HIC1: variants seen among roughly 807,000 people sequenced by gnomAD.
HIC1 encodes hypermethylated in cancer 1 protein.
Under a neutral mutation model 26.4 loss-of-function variants are expected in HIC1, and 9 were observed. The ratio of observed to expected loss-of-function variants is 0.34; its 90% confidence interval spans 0.21 to 0.59. The LOEUF (loss-of-function observed/expected upper bound fraction) is 0.59, where lower values mean the gene tolerates loss of function less well. HIC1 is among the 20% of genes least tolerant of loss of function. The probability of loss-of-function intolerance (pLI) is 0.82; values close to 1 mark genes in which losing one functional copy is unlikely to be tolerated. For synonymous variants in HIC1, 631 were observed against 523.1 expected, an observed-to-expected ratio of 1.21 and a Z score of -2.81; for missense variants, 965 against 1,075.7, an observed-to-expected ratio of 0.90 and a Z score of 1.44.
At position 2,063,001 on chromosome 17, in the gene HIC1, G is replaced by T. The variant is rs1311701795; in HGVS notation, c.*4166G>T. The T allele has an allele frequency of 6.6e-6, 1 of 152,644 alleles. No homozygotes were observed. The highest frequency in any genetic ancestry group is 1.5e-5 in the Non-Finnish European group (1 of 68,358). 9.5% of individuals were successfully genotyped at this position (152,644 alleles called of 1,614,324 possible). ...TGAGGGGATACTCAGAGACTACTCA[G>T]CTGCCTGGGCCAGGCCCCTCTGCAG... On this transcript the variant is annotated 3_prime_UTR_variant, in exon 2 of 2. Coordinates refer to ENST00000619757, the MANE Select transcript of HIC1 (RefSeq NM_006497.4).
At position 2,057,636 on chromosome 17, in the gene HIC1, G is replaced by A. The variant is rs1279156170; in HGVS notation, c.946G>A (p.Glu316Lys). The change falls in exon 2 of 2, where the codon GAG (glutamate) becomes AAG (lysine). Residue 316 changes from glutamate (E) to lysine (K), a missense_variant. Glu to Lys is a moderately conservative substitution (Grantham distance 56). Coordinates refer to ENST00000619757, the MANE Select transcript of HIC1 (RefSeq NM_006497.4). ...PSLLYRWMKH[E>K]PGLGSYGDEL... ...TCTCCTCTATCGCTGGATGAAGCAC[G>A]AGCCGGGCCTGGGTAGCTATGGCGA... is the stretch of plus-strand genomic sequence containing the variant. The A allele has an allele frequency of 1.3e-6, 2 of 1,516,286 alleles. No individual in the cohort carries two copies. Among genetic ancestry groups the A allele is most frequent in the South Asian group, 1.2e-5 (1 of 81,954 alleles). 93.9% of individuals were successfully genotyped at this position (1,516,286 alleles called of 1,614,324 possible).
In HIC1 at chr17:2,059,099, G is replaced by A; in HGVS notation, c.*264G>A. ...CAGCTTTGACCAAAGGAGACCCCAG[G>A]CCCCTCCCGCCTCTTCCTGTGGTTC... On this transcript the variant is annotated 3_prime_UTR_variant, in exon 2 of 2. Coordinates refer to ENST00000619757, the MANE Select transcript of HIC1 (RefSeq NM_006497.4). The A allele has an allele frequency of 2.5e-6, 1 of 399,472 alleles. No homozygotes were observed. Among genetic ancestry groups the A allele is most frequent in the Non-Finnish European group, 4.6e-6 (1 of 217,560 alleles). 24.7% of individuals were successfully genotyped at this position (399,472 alleles called of 1,614,324 possible). A position where few individuals can be genotyped will look rare whatever the true frequency, so the allele number is the denominator to read the frequency against.
Position 2,061,419 on chromosome 17 carries a change from T to C in HIC1, c.*2584T>C. The C allele has an allele frequency of 6.9e-7, 1 of 1,453,484 alleles. No homozygotes were observed. Among genetic ancestry groups the C allele is most frequent in the Non-Finnish European group, 9.2e-7 (1 of 1,081,444 alleles). 90.0% of individuals were successfully genotyped at this position (1,453,484 alleles called of 1,614,324 possible). A position where few individuals can be genotyped will look rare whatever the true frequency, so the allele number is the denominator to read the frequency against. On this transcript the variant is annotated 3_prime_UTR_variant, in exon 2 of 2. Transcript: ENST00000619757. ...TTGGTGGCTCAGGCACGTGGGCATC[T>C]TCCGTGCTACACTGGGCGCCTGGTG...
chr17:2,057,330 G>T lies in HIC1; in HGVS notation c.640G>T (p.Glu214Ter). ...CCCGGCCGCCGCACTCTGTGCCTCGGAGCGCCGCTGCTCCCCTCTTTGTGG... is the reference window on the plus strand; with the variant it reads ...CCCGGCCGCCGCACTCTGTGCCTCGTAGCGCCGCTGCTCCCCTCTTTGTGG... The part of the protein sequence containing the change: ...PGPAAALCAS[E>*]RRCSPLCGLD... Residue 214 changes from glutamate (E) to a stop codon, truncating the protein, a stop_gained, in exon 2 of 2, where the codon GAG becomes TAG. Transcript: ENST00000619757. LOFTEE classifies it low-confidence loss of function (END_TRUNC). The T allele has an allele frequency of 6.7e-7, 1 of 1,500,732 alleles. No homozygotes were observed. Among genetic ancestry groups the T allele is most frequent in the East Asian group, 2.8e-5 (1 of 35,502 alleles). The allele number at this position is 1,500,732 out of a possible 1,614,324, so 93.0% of individuals were successfully genotyped here. A position where few individuals can be genotyped will look rare whatever the true frequency, so the allele number is the denominator to read the frequency against.
rs370020453 is a variant in HIC1, at chr17:2,058,101, G to A, written c.1411G>A (p.Gly471Arg). 57 of 1,593,852 alleles carry A rather than the reference G, an allele frequency of 3.6e-5. No homozygotes were observed. Among genetic ancestry groups the A allele is most frequent in the Non-Finnish European group, 4.3e-5 (51 of 1,173,558 alleles). The part of the protein sequence containing the change: ...AGLGPPFGGG[G>R]DKVAGAPGGL... ...CCTAGGGCCCCCTTTTGGAGGCGGC[G>A]GGGACAAGGTCGCCGGGGCTCCGGG... Residue 471 changes from glycine to arginine, a missense_variant, in exon 2 of 2, where the codon GGG (glycine) becomes AGG (arginine). Around this residue, in one of 6 missense-constraint regions of HIC1, gnomAD observed 105 missense variants for 101.4 expected, o/e 1.04. Transcript: ENST00000619757.
Position 2,055,659 on chromosome 17 carries a change from G to C in HIC1, c.-21+421G>C, listed in dbSNP as rs1201594470. On this transcript the variant is annotated intron_variant, in intron 1 of 1. Transcript: ENST00000619757. This position sits in a 1 kb window ranked among gnomAD's most constrained non-coding sequence, Gnocchi z 6.4. ...GCCGCGGGGCCCCGCGGGCCAGGAG[G>C]GGAACGGGGTCGGGCGGGCGAGCAG... Among the ~76,000 whole-genome samples, 1 of 151,108 alleles carries C rather than the reference G, an allele frequency of 6.6e-6. No individual in the cohort carries two copies. Among genetic ancestry groups the C allele is most frequent in the Non-Finnish European group, 1.5e-5 (1 of 67,564 alleles).
At position 2,055,478 on chromosome 17, in the gene HIC1, C is replaced by CGAGGG. The variant is rs1202631867; in HGVS notation, c.-21+243_-21+247dup. Among the ~76,000 whole-genome samples, 1 of 150,842 alleles carries CGAGGG rather than the reference C, an allele frequency of 6.6e-6. No homozygotes were observed. Among genetic ancestry groups the CGAGGG allele is most frequent in the Non-Finnish European group, 1.5e-5 (1 of 67,648 alleles). On this transcript the variant is annotated intron_variant, in intron 1 of 1. Coordinates refer to ENST00000619757, the MANE Select transcript of HIC1 (RefSeq NM_006497.4). This position sits in a 1 kb window ranked among gnomAD's most constrained non-coding sequence, Gnocchi z 6.4. ...TCTGCCCGCACATGGGCTGGAGAGG[C>CGAGGG]GAGGGGAAGGGAAGGGAAGGGGAGC...
At position 2,058,750 on chromosome 17, in the gene HIC1, A is replaced by G; in HGVS notation, c.2060A>G (p.Asp687Gly). 6.5e-7 allele frequency: 1 copy of G among 1,526,896 alleles called. No homozygotes were observed. The highest frequency in any genetic ancestry group is 8.8e-7 in the Non-Finnish European group (1 of 1,141,320). The allele number at this position is 1,526,896 out of a possible 1,614,324, so 94.6% of individuals were successfully genotyped here. A position where few individuals can be genotyped will look rare whatever the true frequency, so the allele number is the denominator to read the frequency against. ...KFTAELGLSP[D>G]KAAEVLSQGA... Reference sequence around the variant, plus strand: ...ACGGCCGAGCTGGGCCTCAGCCCCGACAAGGCGGCCGAGGTGCTGAGCCAG... The same window carrying G: ...ACGGCCGAGCTGGGCCTCAGCCCCGGCAAGGCGGCCGAGGTGCTGAGCCAG... Residue 687 changes from aspartate (D) to glycine (G), a missense_variant, in exon 2 of 2, where the codon GAC (aspartate) becomes GGC (glycine). Coordinates refer to ENST00000619757, the MANE Select transcript of HIC1 (RefSeq NM_006497.4).
Position 2,056,105 on chromosome 17 carries a change from G to T in HIC1, c.-20-566G>T, listed in dbSNP as rs540294654. The T allele has an allele frequency of 3.0e-4, 72 of 242,502 alleles. 1 individual carries two copies. In the East Asian group the frequency reaches 4.6e-3, roughly 16 times the overall value. 15.0% of individuals were successfully genotyped at this position (242,502 alleles called of 1,614,324 possible). On this transcript the variant is annotated intron_variant, in intron 1 of 1. Coordinates refer to ENST00000619757, the MANE Select transcript of HIC1 (RefSeq NM_006497.4). ...CCGGCCTTCGCGCTCTGCCCGCCAC[G>T]GCAGCCGCTGCCTCCGCTCCCCGCG...
In HIC1 at chr17:2,055,108, G is replaced by A. The variant is rs1400747408; in HGVS notation, c.-151G>A. ...GCGGAAAGCGCGGCGGGGCTGAGAC[G>A]CGACCAGGACGCGGGGAGGACGGAC... On this transcript the variant is annotated 5_prime_UTR_variant, in exon 1 of 2. Coordinates refer to ENST00000619757, the MANE Select transcript of HIC1 (RefSeq NM_006497.4). The surrounding 1 kb of genome is among the most constrained non-coding windows in gnomAD (Gnocchi z 6.4). 1 of 152,248 alleles carries A rather than the reference G, an allele frequency of 6.6e-6. No homozygotes were observed. Among genetic ancestry groups the A allele is most frequent in the Non-Finnish European group, 1.5e-5 (1 of 68,110 alleles). 9.4% of individuals were successfully genotyped at this position (152,248 alleles called of 1,614,324 possible).
chr17:2,056,605 G>A, intron 1 of HIC1, 66 bp from the exon 2 acceptor site: 3 of 1,464,988 alleles, frequency 2.0e-6, no homozygotes, highest in Non-Finnish European at 1.8e-6. Context: ...GGGGAGAAGT[G>A]CCGGGCTGGG....
rs1452571528 is a variant in HIC1, at chr17:2,057,456, G to C, written c.766G>C (p.Gly256Arg). The change falls in exon 2 of 2, where the codon GGC (glycine) becomes CGC (arginine). Residue 256 changes from glycine (G) to arginine (R), a missense_variant. Physicochemically the swap from Gly to Arg is moderately radical, Grantham distance 125. Transcript: ENST00000619757. ...GCGCCCGGACAGCCCTCCCAGCGCC[G>C]GCCCCGCCGCCTACAAGGAGCCGCC... ...PPRPDSPPSAGPAAYKEPPLA... is the reference protein window; with the variant it reads ...PPRPDSPPSARPAAYKEPPLA... The C allele has an allele frequency of 6.1e-6, 9 of 1,465,366 alleles. No homozygotes were observed. The highest frequency in any genetic ancestry group is 2.6e-5 in the South Asian group (2 of 77,460). 90.8% of individuals were successfully genotyped at this position (1,465,366 alleles called of 1,614,324 possible).
rs1478751277 is a variant in HIC1, at chr17:2,058,020, G to A, written c.1330G>A (p.Glu444Lys). 10 of 1,600,316 alleles carry A rather than the reference G, an allele frequency of 6.2e-6. No individual in the cohort carries two copies. The highest frequency in any genetic ancestry group is 8.5e-6 in the Non-Finnish European group (10 of 1,174,200). Residue 444 changes from glutamate to lysine, a missense_variant, in exon 2 of 2, where the codon GAG becomes AAG. Transcript: ENST00000619757. ...GCACGTGGAGGCTCACGTGGAGGAGGAGGAAGCGCTGTACGGCAGGGCCGA... is the reference window on the plus strand; with the variant it reads ...GCACGTGGAGGCTCACGTGGAGGAGAAGGAAGCGCTGTACGGCAGGGCCGA... Reference protein sequence around the residue: ...NAHVEAHVEEEEALYGRAEAA... With the variant: ...NAHVEAHVEEKEALYGRAEAA...
At position 2,056,347 on chromosome 17, in the gene HIC1, G is replaced by A. The variant is rs913856180; in HGVS notation, c.-20-324G>A. The stretch of plus-strand genomic sequence containing the variant: ...GAAGCGGACATTTTACTTAAATCGG[G>A]TAACTGTCTCCAAAAGGGTCACTGC... On this transcript the variant is annotated intron_variant, in intron 1 of 1. Coordinates refer to ENST00000619757, the MANE Select transcript of HIC1 (RefSeq NM_006497.4). 8.1e-6 allele frequency: 13 copies of A among 1,613,014 alleles called. No homozygotes were observed. In the African/African-American group the frequency reaches 1.1e-4, roughly 13 times the overall value.
intron 1 of HIC1, 180 bp from the exon 2 acceptor site, chr17:2,056,491 G>A (rs1290261164): frequency 1.0e-5 from 14 of 1,334,864 alleles, no homozygotes; most frequent in South Asian, 9.9e-5. Flanking sequence ...CTCCTGGTCC[G>A]GGCGGGCCGG....
Position 2,058,904 on chromosome 17 carries a change from G to T in HIC1, c.*69G>T, listed in dbSNP as rs2067704451. ...GCCCGCACCCCAGGGAGCGGCGGGG[G>T]CGGCGCGCAGGGCCCACTGTGCCCG... On this transcript the variant is annotated 3_prime_UTR_variant, in exon 2 of 2. Coordinates refer to ENST00000619757, the MANE Select transcript of HIC1 (RefSeq NM_006497.4). 2.3e-6 allele frequency: 3 copies of T among 1,292,918 alleles called. No homozygotes were observed. In the East Asian group the frequency reaches 9.4e-5, roughly 41 times the overall value. The allele number at this position is 1,292,918 out of a possible 1,614,324, so 80.1% of individuals were successfully genotyped here.
Position 2,057,520 on chromosome 17 carries a change from A to G in HIC1, c.830A>G (p.Lys277Arg). ...LPSLPPLPFQ[K>R]LEEAAPPSDP... ...TCGCTGCCGCCGCTGCCCTTCCAGA[A>G]GCTGGAGGAGGCCGCACCGCCTTCC... The change falls in exon 2 of 2, where the codon AAG (lysine) becomes AGG (arginine). Residue 277 changes from lysine to arginine, a missense_variant. This residue lies in a region of HIC1 where 526 missense variants were observed against 525.0 expected (regional missense o/e 1.00). Transcript: ENST00000619757. The G allele has an allele frequency of 6.7e-7, 1 of 1,492,354 alleles. No individual in the cohort carries two copies. Among genetic ancestry groups the G allele is most frequent in the Non-Finnish European group, 8.9e-7 (1 of 1,126,914 alleles). The allele number at this position is 1,492,354 out of a possible 1,614,324, so 92.4% of individuals were successfully genotyped here.
intron 1 of HIC1, among the ~76,000 whole-genome samples, chr17:2,056,036 G>T (rs1173217986): frequency 8.8e-6 from 1 of 113,696 alleles, no homozygotes; most frequent in African/African-American, 3.4e-5. Context: ...CCTGCTTCCT[G>T]CCTCAGCCTC....
At chr17:2,056,442 GCCTCCCCTCCACCGGCGGCCGCTCA>G in intron 1 of HIC1, 1 of 1,415,122 alleles carries the variant, frequency 7.1e-7, no homozygotes, top group African/African-American at 1.4e-5. Context: ...GGCCGCCCTG[GCCTCCCCTCCACCGGCGGCCGCTCA>G]CCTCCTGCTC....
Sources: allele counts gnomAD v4.1 joint callset (sites outside exome capture counted in the v4.1 genomes callset), GRCh38; gene constraint gnomAD v4.1.1; regional missense constraint gnomAD v4.1.1; non-coding constraint Gnocchi (gnomAD v3.1); transcripts MANE v1.5; gene names NCBI Gene and HGNC (gene_info 2026-07-23, HGNC 2026-07-21).